MMD2: variants seen among roughly 807,000 people sequenced by gnomAD.
MMD2 encodes the protein monocyte to macrophage differentiation factor 2.
Under a neutral mutation model 33.5 loss-of-function variants are expected in MMD2, and 30 were observed. The observed-to-expected ratio is 0.90, with a 90% CI of 0.67 to 1.22. MMD2 has a LOEUF of 1.22. Ranked by LOEUF, MMD2 falls within the 50% of genes most tolerant of loss-of-function variation. The pLI is 0.00. For missense variants in MMD2, 364 were observed against 325.4 expected, an observed-to-expected ratio of 1.12 and a Z score of -0.91; for synonymous variants, 129 against 123.0, an observed-to-expected ratio of 1.05 and a Z score of -0.32.
intron 1 of MMD2, among the ~76,000 whole-genome samples, chr7:4,949,556 C>T (rs916007732): frequency 1.3e-5 from 2 of 151,750 alleles, no homozygotes; most frequent in Non-Finnish European, 2.9e-5. Flanking sequence ...TCTCTTGCCA[C>T]GCTGGAGTGC....
At chr7:4,920,054 A>T in intron 3 of MMD2, 117 bp downstream of exon 3, 1 of 1,225,126 alleles carries the variant, frequency 8.2e-7, no homozygotes, top group Non-Finnish European at 1.1e-6. Context: ...AGCCCCTCCC[A>T]GCTCAGTGGA....
At chr7:4,938,429 C>T (rs981656074) in intron 1 of MMD2, among the ~76,000 whole-genome samples, 1 of 152,048 alleles carries the variant, frequency 6.6e-6, no homozygotes, top group Non-Finnish European at 1.5e-5. Context: ...TGGGGCATCC[C>T]GTGGTGAGGG....
At chr7:4,935,571 G>C (rs1785716085) in intron 1 of MMD2, among the ~76,000 whole-genome samples, 1 of 150,158 alleles carries the variant, frequency 6.7e-6, no homozygotes, top group African/African-American at 2.5e-5. Flanking sequence ...CAACTACTCA[G>C]GAGGCTGAGG....
At chr7:4,955,621 T>C (rs1410674130) in intron 1 of MMD2, among the ~76,000 whole-genome samples, 1 of 152,246 alleles carries the variant, frequency 6.6e-6, no homozygotes, top group Non-Finnish European at 1.5e-5. Flanking sequence ...ATTCATTGTA[T>C]ACTGATATAA....
At chr7:4,953,734 G>C (rs931687790) in intron 1 of MMD2, among the ~76,000 whole-genome samples, 1 of 152,160 alleles carries the variant, frequency 6.6e-6, no homozygotes, top group Non-Finnish European at 1.5e-5. Context: ...GCTTCCCAAA[G>C]TGCTGGAATT....
chr7:4,893,539 G>C, the MMD2 span, among the ~76,000 whole-genome samples: 1 of 151,882 alleles, frequency 6.6e-6, no homozygotes, highest in South Asian at 2.1e-4. Flanking sequence ...TTACAGACAT[G>C]CACCACCACA....
At chr7:4,938,649 G>A (rs991689286) in intron 1 of MMD2, among the ~76,000 whole-genome samples, 2 of 152,108 alleles carry the variant, frequency 1.3e-5, no homozygotes, top group Non-Finnish European at 2.9e-5. Flanking sequence ...ACAGCAAGGG[G>A]CAAGGCCAGG....
intron 2 of MMD2, among the ~76,000 whole-genome samples, chr7:4,924,319 C>G (rs1297571724): frequency 6.6e-6 from 1 of 152,258 alleles, no homozygotes; most frequent in African/African-American, 2.4e-5. Context: ...TTGTTAAAGG[C>G]CTGGGCTCAG....
At chr7:4,905,027 C>G (rs941133612), downstream of MMD2, among the ~76,000 whole-genome samples, 2 of 152,178 alleles carry the variant, frequency 1.3e-5, no homozygotes, top group Non-Finnish European at 2.9e-5. The surrounding 1 kb of genome is among the most constrained non-coding windows in gnomAD (Gnocchi z 5.0). Flanking sequence ...AGGGGATCAA[C>G]AGTTCCCACC....
intron 3 of MMD2, among the ~76,000 whole-genome samples, chr7:4,916,549 G>C (rs1303922259): frequency 6.6e-6 from 1 of 151,670 alleles, no homozygotes; most frequent in Non-Finnish European, 1.5e-5. Flanking sequence ...TGCCCAGCTA[G>C]TTTTTGTATT....
At chr7:4,948,196 C>A (rs1786144005) in intron 1 of MMD2, among the ~76,000 whole-genome samples, 1 of 152,290 alleles carries the variant, frequency 6.6e-6, no homozygotes, top group South Asian at 2.1e-4. Flanking sequence ...AAACTCTATA[C>A]AAGTGCTATG....
intron 1 of MMD2, among the ~76,000 whole-genome samples, chr7:4,945,802 T>A (rs1412500539): frequency 6.6e-6 from 1 of 151,944 alleles, no homozygotes; most frequent in African/African-American, 2.4e-5. Context: ...CTTGAGCTCC[T>A]GAGCTCAAGT....
intron 1 of MMD2, among the ~76,000 whole-genome samples, chr7:4,957,271 G>C (rs926494106): frequency 1.3e-5 from 2 of 151,892 alleles, no homozygotes; most frequent in Non-Finnish European, 2.9e-5. Flanking sequence ...CTCAAGCCCA[G>C]GAATTTGAGG....
chr7:4,945,262 CCTTT>C lies in MMD2; in HGVS notation c.47+13705_47+13708del, dbSNP rs1416825986. Among the ~76,000 whole-genome samples, 88 of 74,934 alleles carry C rather than the reference CCTTT, an allele frequency of 1.2e-3. No homozygotes were observed. In the South Asian group the frequency reaches 0.024, roughly 20 times the overall value. 49.2% of individuals were successfully genotyped at this position (74,934 alleles called of 152,430 possible). ...TTCCTCTCTCTCTTTCTTTCCCTCC[CCTTT>C]CTTTCTTTTTTTTTCTTTTTTTGAG... On this transcript the variant is annotated intron_variant, in intron 1 of 6. Coordinates refer to ENST00000401401, the MANE Select transcript of MMD2 (RefSeq NM_198403.4).
the MMD2 span, among the ~76,000 whole-genome samples, chr7:4,894,702 G>A: frequency 1.3e-5 from 2 of 152,132 alleles, no homozygotes; most frequent in African/African-American, 2.4e-5. The surrounding 1 kb of genome is among the most constrained non-coding windows in gnomAD (Gnocchi z 4.3). Context: ...AGCAAGTGCA[G>A]GAACCAGAGG....
the MMD2 span, among the ~76,000 whole-genome samples, chr7:4,900,771 G>C: frequency 1.4e-4 from 22 of 152,158 alleles, no homozygotes; most frequent in African/African-American, 4.8e-4. Context: ...GAACAAGTGT[G>C]GGACTCCTCC....
rs1202167982 is a variant in MMD2, at chr7:4,907,306, A to G, written c.*90T>C. 8 of 1,295,322 alleles carry G rather than the reference A, an allele frequency of 6.2e-6. No individual in the cohort carries two copies. In the East Asian group the frequency reaches 1.9e-4, roughly 30 times the overall value. The allele number at this position is 1,295,322 out of a possible 1,614,324, so 80.2% of individuals were successfully genotyped here. A position where few individuals can be genotyped will look rare whatever the true frequency, so the allele number is the denominator to read the frequency against. The stretch of plus-strand genomic sequence containing the variant: ...TCAAGAACTCTACCCAATAAAGGGA[A>G]GACAGGCCTTGGCGCTGTGCTCTGG... On this transcript the variant is annotated 3_prime_UTR_variant, in exon 7 of 7. Transcript: ENST00000401401.
At chr7:4,908,120 T>C (rs1241507471) in intron 6 of MMD2, among the ~76,000 whole-genome samples, 2 of 151,514 alleles carry the variant, frequency 1.3e-5, no homozygotes, top group Admixed American at 1.3e-4. Context: ...TCAAATAATA[T>C]TTTTATAACT....
intron 1 of MMD2, among the ~76,000 whole-genome samples, chr7:4,941,632 A>C (rs890355737): frequency 4.2e-4 from 17 of 40,954 alleles, no homozygotes; most frequent in Non-Finnish European, 1.1e-3. Flanking sequence ...CCTGTCTCAA[A>C]AAAAAAAAAA....
Sources: allele counts gnomAD v4.1 joint callset (sites outside exome capture counted in the v4.1 genomes callset), GRCh38; gene constraint gnomAD v4.1.1; non-coding constraint Gnocchi (gnomAD v3.1); transcripts MANE v1.5; gene names NCBI Gene and HGNC (gene_info 2026-07-23, HGNC 2026-07-21).